The following GPHN variants were observed in gnomAD, a reference collection of about 807,000 sequenced individuals.
The protein encoded by GPHN is gephyrin.
A neutral mutation model predicts 95.5 loss-of-function variants in GPHN; 17 were observed. The observed-to-expected ratio is 0.18, with a 90% CI of 0.12 to 0.27. The LOEUF is 0.27. GPHN is among the 10% of genes least tolerant of loss of function. The pLI is 1.00. For synonymous variants in GPHN, 320 were observed against 322.5 expected, an observed-to-expected ratio of 0.99 and a Z score of 0.08; for missense variants, 660 against 978.1, an observed-to-expected ratio of 0.67 and a Z score of 4.34.
intron 10 of GPHN, among the ~76,000 whole-genome samples, chr14:67,053,044 C>T (rs1471213026): frequency 1.4e-5 from 2 of 147,048 alleles, no homozygotes; most frequent in Non-Finnish European, 3.0e-5. Context: ...AACTAGAGAA[C>T]CAAGAGCAAA....
chr14:67,439,557 CT>C, the GPHN span, among the ~76,000 whole-genome samples: 2 of 104,280 alleles, frequency 1.9e-5, no homozygotes, highest in South Asian at 3.3e-4. Flanking sequence ...TTCTTTCTTT[CT>C]TTCTTTCTTT....
intron 2 of GPHN, among the ~76,000 whole-genome samples, chr14:66,730,772 C>T (rs976722711): frequency 2.6e-5 from 4 of 152,146 alleles, no homozygotes; most frequent in African/African-American, 9.7e-5. Context: ...TTTGAACATA[C>T]TACATATTTT....
chr14:66,903,542 C>T (rs139500384), intron 5 of GPHN, among the ~76,000 whole-genome samples: 12 of 152,214 alleles, frequency 7.9e-5, no homozygotes, highest in East Asian at 3.9e-4. Context: ...TCTTTAGAGA[C>T]GAAGTGGATT....
At chr14:66,740,500 G>A (rs989833762) in intron 2 of GPHN, among the ~76,000 whole-genome samples, 4 of 151,136 alleles carry the variant, frequency 2.6e-5, no homozygotes, top group Non-Finnish European at 4.4e-5. Flanking sequence ...TTTCTTTGTA[G>A]GCTCTTTGTA....
At position 66,997,304 on chromosome 14, in the gene GPHN, T is replaced by C. The variant is rs932905020; in HGVS notation, c.964-26329T>C. On this transcript the variant is annotated intron_variant, in intron 9 of 22. Transcript: ENST00000478722. ...ATCACTTGAACCCGGGAGGCAGAGG[T>C]TGCAGTGAGCCAAGATCGTGCAATT... 2.0e-5 allele frequency among the ~76,000 whole-genome samples: 3 copies of C among 149,836 alleles called. No individual in the cohort carries two copies. The Admixed American group carries it at 2.0e-4, about 10-fold the overall frequency.
At chr14:66,670,664 C>T (rs189669444) in intron 1 of GPHN, among the ~76,000 whole-genome samples, 256 of 152,260 alleles carry the variant, frequency 1.7e-3, no homozygotes, top group Non-Finnish European at 3.1e-3. Context: ...TGGTGGCGAA[C>T]GCCTGTGGTC....
chr14:66,754,887 A>G (rs2058503499), intron 2 of GPHN, among the ~76,000 whole-genome samples: 1 of 151,986 alleles, frequency 6.6e-6, no homozygotes, highest in African/African-American at 2.4e-5. Flanking sequence ...TTTTTCCTGC[A>G]CTGTTATGGA....
chr14:67,179,574 G>T lies in GPHN; in HGVS notation c.2080-4G>T, dbSNP rs760469629. 9.1e-6 allele frequency: 14 copies of T among 1,537,434 alleles called. No homozygotes were observed. Among genetic ancestry groups the T allele is most frequent in the Admixed American group, 1.7e-5 (1 of 59,854 alleles). ...TTTGTTTTCTTTTCTACTTTATTCT[G>T]TAGTTATCATGTGATGTAAAACTTG... On this transcript the variant is annotated splice_region_variant and splice_polypyrimidine_tract_variant and intron_variant, in intron 21 of 22. Coordinates refer to ENST00000478722, the MANE Select transcript of GPHN (RefSeq NM_020806.5).
At chr14:66,823,579 C>G (rs1426067734) in intron 3 of GPHN, among the ~76,000 whole-genome samples, 1 of 151,978 alleles carries the variant, frequency 6.6e-6, no homozygotes, top group Non-Finnish European at 1.5e-5. Flanking sequence ...AATCATTGCA[C>G]AGAAAAGTTC....
At chr14:67,658,054 T>C in the GPHN span, among the ~76,000 whole-genome samples, 7 of 152,086 alleles carry the variant, frequency 4.6e-5, no homozygotes, top group South Asian at 8.3e-4. Context: ...CGGCGCTCTG[T>C]AGCATTTTCA....
At chr14:66,852,341 C>A (rs909511157) in intron 4 of GPHN, among the ~76,000 whole-genome samples, 3 of 152,150 alleles carry the variant, frequency 2.0e-5, no homozygotes, top group Non-Finnish European at 2.9e-5. Flanking sequence ...GTACATTTTG[C>A]CACTATTACG....
chr14:67,674,547 A>G, the GPHN span: 1 of 1,461,490 alleles, frequency 6.8e-7, no homozygotes, highest in Non-Finnish European at 9.1e-7. Context: ...GCCCTTTCCT[A>G]GCCCGGCGGT....
chr14:66,592,421 A>C (rs57710522), intron 1 of GPHN, among the ~76,000 whole-genome samples: 1 of 151,772 alleles, frequency 6.6e-6, no homozygotes, highest in African/African-American at 2.4e-5. Context: ...AAGGGCCAAT[A>C]TCCAGAATCT....
chr14:66,950,226 G>A, intron 8 of GPHN, among the ~76,000 whole-genome samples: 1 of 152,090 alleles, frequency 6.6e-6, no homozygotes, highest in Non-Finnish European at 1.5e-5. Context: ...TCTAAAAGTA[G>A]GAATGTTATT....
the GPHN span, among the ~76,000 whole-genome samples, chr14:67,263,251 A>T: frequency 6.6e-6 from 1 of 152,212 alleles, no homozygotes; most frequent in African/African-American, 2.4e-5. Flanking sequence ...GAAAAGAATC[A>T]TGATGCTCTC....
chr14:67,013,579 C>T (rs867825123), intron 9 of GPHN, among the ~76,000 whole-genome samples: 3 of 151,982 alleles, frequency 2.0e-5, no homozygotes, highest in Non-Finnish European at 4.4e-5. Context: ...ATATATTTCT[C>T]GAAGAAACTT....
At chr14:66,886,146 TAAAA>T (rs1005448410) in intron 5 of GPHN, among the ~76,000 whole-genome samples, 29 of 152,018 alleles carry the variant, frequency 1.9e-4, no homozygotes, top group African/African-American at 6.0e-4. Flanking sequence ...TTTAAAAACA[TAAAA>T]AAAGAATCAA....
At chr14:67,086,231 G>A (rs2076876313) in intron 11 of GPHN, among the ~76,000 whole-genome samples, 5 of 152,190 alleles carry the variant, frequency 3.3e-5, no homozygotes, top group Admixed American at 2.6e-4. Context: ...AAATGGAATT[G>A]CTGGTTTATA....
chr14:66,901,137 A>AT (rs1316050929), intron 5 of GPHN, among the ~76,000 whole-genome samples: 7 of 151,858 alleles, frequency 4.6e-5, no homozygotes, highest in Admixed American at 1.3e-4. Flanking sequence ...CTATCTGATG[A>AT]TTAGTGGTGT....
Sources: allele counts gnomAD v4.1 joint callset (sites outside exome capture counted in the v4.1 genomes callset), GRCh38; gene constraint gnomAD v4.1.1; transcripts MANE v1.5; gene names NCBI Gene and HGNC (gene_info 2026-07-23, HGNC 2026-07-21).